Variants in SLC11A2 observed in about 807,000 individuals in gnomAD.
The protein encoded by SLC11A2 is natural resistance-associated macrophage protein 2.
A neutral mutation model predicts 68.0 loss-of-function variants in SLC11A2; 38 were observed. That is an observed-to-expected ratio of 0.56 (90% CI 0.43 to 0.73). The LOEUF is 0.73. Ranked by LOEUF, SLC11A2 falls within the 30% of genes least tolerant of loss-of-function variation. SLC11A2 has a pLI of 0.00. For missense variants in SLC11A2, 517 were observed against 690.5 expected (o/e 0.75, Z 2.82); for synonymous variants, 242 against 250.6 (o/e 0.97, Z 0.32).
chr12:50,963,063 A>G, the SLC11A2 span, among the ~76,000 whole-genome samples: 3 of 152,030 alleles, frequency 2.0e-5, no homozygotes, highest in Non-Finnish European at 4.4e-5. Flanking sequence ...GAGCCGGGAA[A>G]GGAATTAGAA....
chr12:51,027,920 G>C (rs546089596), upstream of SLC11A2, among the ~76,000 whole-genome samples: 181 of 93,148 alleles, frequency 1.9e-3, 1 homozygote, highest in Middle Eastern at 0.023. Flanking sequence ...AAAAAAGTGG[G>C]GGGGGGGGGC....
intron 8 of SLC11A2, among the ~76,000 whole-genome samples, chr12:50,997,577 A>AT (rs1941818467): frequency 1.4e-5 from 2 of 146,660 alleles, no homozygotes; most frequent in Non-Finnish European, 3.0e-5. Context: ...CTATAGTACT[A>AT]GCTACTAGGG....
chr12:51,009,866 C>T (rs394384), intron 2 of SLC11A2, among the ~76,000 whole-genome samples: 138,537 of 152,238 alleles, frequency 0.91, 63,324 homozygotes, highest in East Asian at 0.98. Context: ...AAAAAAGATA[C>T]GAAGCAGGTC....
intron 1 of SLC11A2, among the ~76,000 whole-genome samples, chr12:51,020,005 A>C (rs186404493): frequency 1.3e-5 from 2 of 152,288 alleles, no homozygotes; most frequent in East Asian, 3.9e-4. Context: ...ACAGCTTAGA[A>C]TAGACATGTG....
Position 50,991,573 on chromosome 12 carries a change from T to A in SLC11A2, c.1421+26A>T, listed in dbSNP as rs750109846. 1.9e-6 allele frequency: 3 copies of A among 1,597,266 alleles called. No individual in the cohort carries two copies. In the African/African-American group the frequency reaches 4.0e-5, roughly 21 times the overall value. On this transcript the variant is annotated intron_variant, in intron 14 of 15. Transcript: ENST00000262052. ...CCCTTTCCCCATATCAGCATCCCCT[T>A]TGGGAACGAAGAGGAGTACACTCAC... is the stretch of plus-strand genomic sequence containing the variant.
At chr12:51,021,500 G>A (rs944353719) in intron 1 of SLC11A2, among the ~76,000 whole-genome samples, 1 of 152,008 alleles carries the variant, frequency 6.6e-6, no homozygotes, top group South Asian at 2.1e-4. Flanking sequence ...AGTGGCACGT[G>A]CCTGTAATCC....
At chr12:50,992,760 A>T (rs369727154) in intron 12 of SLC11A2, 50 bp downstream of exon 12, 9 of 1,572,984 alleles carry the variant, frequency 5.7e-6, no homozygotes, top group African/African-American at 2.7e-5. Flanking sequence ...GAAGAAGAAG[A>T]AGTAACAAAA....
chr12:51,010,543 A>G (rs1943134370), intron 2 of SLC11A2, 152 bp downstream of exon 2: 1 of 512,904 alleles, frequency 1.9e-6, no homozygotes. Flanking sequence ...ATTTTCATTT[A>G]CAGCCTAAGT....
At chr12:50,956,591 A>G in the SLC11A2 span, among the ~76,000 whole-genome samples, 1 of 152,162 alleles carries the variant, frequency 6.6e-6, no homozygotes, top group Non-Finnish European at 1.5e-5. Context: ...AATCACTGTT[A>G]AGGTCTCTGC....
downstream of SLC11A2, chr12:50,980,940 C>T (rs536497454): frequency 1.1e-4 from 17 of 152,284 alleles, no homozygotes; most frequent in South Asian, 2.1e-3. Flanking sequence ...CAATGCAGCA[C>T]GGAAAACTGA....
the SLC11A2 span, among the ~76,000 whole-genome samples, chr12:50,959,570 T>C: frequency 1.1e-3 from 175 of 152,352 alleles, no homozygotes; most frequent in African/African-American, 4.0e-3. Context: ...TTAGTTCTTC[T>C]CTATACCAAT....
downstream of SLC11A2, among the ~76,000 whole-genome samples, chr12:50,982,049 ACT>A (rs1366003172): frequency 6.6e-6 from 1 of 152,156 alleles, no homozygotes; most frequent in African/African-American, 2.4e-5. Context: ...CAAAATTAGC[ACT>A]CTGACTATTC....
At chr12:51,002,795 C>T (rs543057907) in intron 5 of SLC11A2, among the ~76,000 whole-genome samples, 94 of 150,788 alleles carry the variant, frequency 6.2e-4, no homozygotes, top group African/African-American at 2.2e-3. Flanking sequence ...CAAAAATTGG[C>T]CAGGCGTGGT....
In SLC11A2 at chr12:50,987,457, G is replaced by A. The variant is rs1395049104; in HGVS notation, c.*868C>T. Reference sequence around the variant, plus strand: ...TTTCTCCCCACCCTCAACATTTCACGAGAACATCAGTTCATAAATACTACC... The same window carrying A: ...TTTCTCCCCACCCTCAACATTTCACAAGAACATCAGTTCATAAATACTACC... On this transcript the variant is annotated 3_prime_UTR_variant, in exon 16 of 16. Coordinates refer to ENST00000262052, the MANE Select transcript of SLC11A2 (RefSeq NM_000617.3). 4 of 1,286,934 alleles carry A rather than the reference G, an allele frequency of 3.1e-6. No individual in the cohort carries two copies. The highest frequency in any genetic ancestry group is 4.6e-5 in the Admixed American group (2 of 43,502). The allele number at this position is 1,286,934 out of a possible 1,614,324, so 79.7% of individuals were successfully genotyped here.
In SLC11A2 at chr12:50,986,056, G is replaced by A. The variant is rs1186540396; in HGVS notation, c.*2269C>T. On this transcript the variant is annotated 3_prime_UTR_variant, in exon 16 of 16. Transcript: ENST00000262052. The stretch of plus-strand genomic sequence containing the variant: ...ACATACGGTTAAATGGTTACTAAAA[G>A]CTCAGTTGTAACCACTCCTAACACC... The A allele has an allele frequency of 1.2e-5, 15 of 1,247,296 alleles. No individual in the cohort carries two copies. Among genetic ancestry groups the A allele is most frequent in the Admixed American group, 8.7e-5 (3 of 34,334 alleles). 77.3% of individuals were successfully genotyped at this position (1,247,296 alleles called of 1,614,324 possible).
chr12:51,008,995 G>A (rs1203866751), intron 2 of SLC11A2: 2 of 694,996 alleles, frequency 2.9e-6, no homozygotes, highest in African/African-American at 3.6e-5. Context: ...CTGACATATG[G>A]GCTCAAAATA....
the SLC11A2 span, chr12:50,970,419 G>T: frequency 8.2e-7 from 1 of 1,221,506 alleles, no homozygotes; most frequent in Admixed American, 2.0e-5. Context: ...ATACTCAATT[G>T]ATATACATCC....
At chr12:51,026,541 C>T, upstream of SLC11A2, 1 of 363,802 alleles carries the variant, frequency 2.7e-6, no homozygotes, top group Non-Finnish European at 5.0e-6. Flanking sequence ...CTGGGGCACG[C>T]GGCGGCCCCT....
intron 1 of SLC11A2, among the ~76,000 whole-genome samples, chr12:51,013,845 G>A (rs539993484): frequency 2.3e-4 from 35 of 151,326 alleles, no homozygotes; most frequent in African/African-American, 8.0e-4. Flanking sequence ...TTTTTGAGAT[G>A]GAGTCTCACT....
Sources: allele counts gnomAD v4.1 joint callset (sites outside exome capture counted in the v4.1 genomes callset), GRCh38; gene constraint gnomAD v4.1.1; transcripts MANE v1.5; gene names NCBI Gene and HGNC (gene_info 2026-07-23, HGNC 2026-07-21).